OPCML: variants seen among roughly 807,000 people sequenced by gnomAD.
The protein encoded by OPCML is opioid-binding protein/cell adhesion molecule.
In OPCML, 13 loss-of-function variants were observed where a neutral mutation model predicts 37.8. The observed-to-expected ratio is 0.34, with a 90% CI of 0.22 to 0.55. The LOEUF is 0.55. Ranked by LOEUF, OPCML falls within the 20% of genes least tolerant of loss-of-function variation. The pLI is 0.91. For missense variants in OPCML, 341 were observed against 435.6 expected (o/e 0.78, Z 1.93); for synonymous variants, 176 against 168.8 (o/e 1.04, Z -0.33).
intron 1 of OPCML, among the ~76,000 whole-genome samples, chr11:133,294,886 C>G (rs1476862576): frequency 4.7e-5 from 6 of 128,664 alleles, no homozygotes; most frequent in African/African-American, 1.9e-4. Context: ...TGCAGTGGTG[C>G]AGTCTCGGCC....
Position 133,299,031 on chromosome 11 carries a change from G to A in OPCML, c.61+233233C>T, listed in dbSNP as rs1053069379. On this transcript the variant is annotated intron_variant, in intron 1 of 7. Coordinates refer to ENST00000524381, the MANE Select transcript of OPCML (RefSeq NM_001012393.5). The stretch of plus-strand genomic sequence containing the variant: ...AGGGGACTTGGTGTAGTATCATAGG[G>A]TCATCCTATTTGTAGCTTTTTAATG... 5.9e-5 allele frequency: 9 copies of A among 152,174 alleles called. No homozygotes were observed. The East Asian group carries it at 1.2e-3, about 20-fold the overall frequency. The allele number at this position is 152,174 out of a possible 1,614,324, so 9.4% of individuals were successfully genotyped here. A position where few individuals can be genotyped will look rare whatever the true frequency, so the allele number is the denominator to read the frequency against.
At chr11:133,268,227 G>A (rs1441778850) in intron 1 of OPCML, among the ~76,000 whole-genome samples, 1 of 152,136 alleles carries the variant, frequency 6.6e-6, no homozygotes, top group East Asian at 1.9e-4. Flanking sequence ...CATTAATTTA[G>A]AAATCCAGTC....
intron 4 of OPCML, among the ~76,000 whole-genome samples, chr11:132,481,872 A>G (rs1312518347): frequency 1.1e-4 from 17 of 148,910 alleles, no homozygotes; most frequent in African/African-American, 4.1e-4. Context: ...TGAAACCAAC[A>G]AGAACAAAGA....
chr11:132,790,272 AAAC>A (rs1327228084), intron 2 of OPCML, among the ~76,000 whole-genome samples: 1 of 152,204 alleles, frequency 6.6e-6, no homozygotes, highest in Non-Finnish European at 1.5e-5. Flanking sequence ...AGTCAGATAA[AAAC>A]AATAGGTTCT....
At chr11:132,599,234 C>G (rs904033747) in intron 3 of OPCML, among the ~76,000 whole-genome samples, 3 of 151,838 alleles carry the variant, frequency 2.0e-5, no homozygotes, top group African/African-American at 7.3e-5. Context: ...TGCAGTAAGC[C>G]GAGATTGCAC....
chr11:132,933,584 G>A (rs148464322), intron 2 of OPCML, among the ~76,000 whole-genome samples: 6 of 152,232 alleles, frequency 3.9e-5, no homozygotes, highest in South Asian at 2.1e-4. Context: ...GTGTGTGTGC[G>A]TGTGTGTGAG....
At chr11:132,518,996 T>C (rs2096286312) in intron 4 of OPCML, among the ~76,000 whole-genome samples, 1 of 152,190 alleles carries the variant, frequency 6.6e-6, no homozygotes, top group South Asian at 2.1e-4. Context: ...TCCATTCTCA[T>C]ATTTATTCTC....
At chr11:133,343,649 A>G (rs1592218753) in intron 1 of OPCML, among the ~76,000 whole-genome samples, 1 of 152,162 alleles carries the variant, frequency 6.6e-6, no homozygotes. Flanking sequence ...CATTTTACCA[A>G]CATCTAAAGA....
intron 1 of OPCML, among the ~76,000 whole-genome samples, chr11:133,374,766 A>T (rs543774905): frequency 1.3e-5 from 2 of 152,244 alleles, no homozygotes; most frequent in South Asian, 4.1e-4. Flanking sequence ...CTAATTCCCC[A>T]TATGAACTCC....
intron 1 of OPCML, among the ~76,000 whole-genome samples, chr11:133,052,678 A>T (rs893574845): frequency 3.3e-5 from 5 of 152,096 alleles, no homozygotes; most frequent in African/African-American, 1.2e-4. Flanking sequence ...GTCCTTGGGG[A>T]TAGTGATTGT....
At chr11:132,997,032 G>A (rs1946901206) in intron 1 of OPCML, among the ~76,000 whole-genome samples, 1 of 152,158 alleles carries the variant, frequency 6.6e-6, no homozygotes, top group African/African-American at 2.4e-5. Flanking sequence ...TGGGTCCCCA[G>A]GTAACTGTCA....
intron 1 of OPCML, among the ~76,000 whole-genome samples, chr11:132,951,162 G>A (rs989053289): frequency 2.0e-5 from 3 of 152,126 alleles, no homozygotes; most frequent in Admixed American, 6.6e-5. Flanking sequence ...TGCCACCTCT[G>A]TAAATGGAGA....
At chr11:133,273,912 T>C (rs530323194) in intron 1 of OPCML, among the ~76,000 whole-genome samples, 1 of 152,374 alleles carries the variant, frequency 6.6e-6, no homozygotes, top group African/African-American at 2.4e-5. Flanking sequence ...GTTTAATTAT[T>C]ACTACTTTGA....
intron 2 of OPCML, among the ~76,000 whole-genome samples, chr11:132,733,154 A>G (rs539121164): frequency 3.3e-5 from 5 of 152,298 alleles, no homozygotes; most frequent in Admixed American, 6.5e-5. Flanking sequence ...GGGAGCGAAC[A>G]TTTAACAAAG....
At chr11:132,577,687 G>A (rs1378843337) in intron 3 of OPCML, among the ~76,000 whole-genome samples, 1 of 152,146 alleles carries the variant, frequency 6.6e-6, no homozygotes, top group Non-Finnish European at 1.5e-5. Context: ...CTAGATAACT[G>A]CCTAGTCCTT....
At chr11:133,222,246 C>A (rs193030308) in intron 1 of OPCML, among the ~76,000 whole-genome samples, 1 of 152,204 alleles carries the variant, frequency 6.6e-6, no homozygotes, top group Non-Finnish European at 1.5e-5. Flanking sequence ...CACCCTAAAG[C>A]TGCAGCCATA....
At chr11:132,886,289 T>C (rs1054072903) in intron 2 of OPCML, among the ~76,000 whole-genome samples, 1 of 152,234 alleles carries the variant, frequency 6.6e-6, no homozygotes, top group African/African-American at 2.4e-5. Flanking sequence ...CCTTAGGAAC[T>C]TGAACAACAA....
At position 132,927,252 on chromosome 11, in the gene OPCML, TA is replaced by T. The variant is rs758790791; in HGVS notation, c.146+15673del. On this transcript the variant is annotated intron_variant, in intron 2 of 7. Coordinates refer to ENST00000524381, the MANE Select transcript of OPCML (RefSeq NM_001012393.5). ...AGGATACCCACAGTGAGATACATTA[TA>T]AAAAAATGTCAAAGACCAAAGAGAA... 7.2e-5 allele frequency among the ~76,000 whole-genome samples: 11 copies of T among 152,122 alleles called. No individual in the cohort carries two copies. The South Asian group carries it at 1.9e-3, about 26-fold the overall frequency.
At chr11:132,827,807 A>AT (rs71477776) in intron 2 of OPCML, among the ~76,000 whole-genome samples, 299 of 149,112 alleles carry the variant, frequency 2.0e-3, no homozygotes, top group Middle Eastern at 7.1e-3. Flanking sequence ...GCCTGGCTGA[A>AT]TTTTTTTTTT....
Sources: allele counts gnomAD v4.1 joint callset (sites outside exome capture counted in the v4.1 genomes callset), GRCh38; gene constraint gnomAD v4.1.1; transcripts MANE v1.5; gene names NCBI Gene and HGNC (gene_info 2026-07-23, HGNC 2026-07-21).